Variants in PADI1 observed in about 807,000 individuals in gnomAD.
The protein encoded by PADI1 is protein-arginine deiminase type-1.
PADI1 carries 65 observed loss-of-function variants against 74.8 expected under a neutral mutation model. The observed-to-expected ratio is 0.87, with a 90% CI of 0.71 to 1.07. The LOEUF is 1.07. Among genes scored for constraint, PADI1 ranks in the 50% least tolerant of loss-of-function variants. The probability of loss-of-function intolerance (pLI) is 0.00; values close to 1 mark genes in which losing one functional copy is unlikely to be tolerated. For synonymous variants in PADI1, 371 were observed against 336.2 expected (o/e 1.10, Z -1.13); for missense variants, 943 against 854.0 (o/e 1.10, Z -1.30).
chr1:17,217,045 G>C (rs1157703612), intron 1 of PADI1, among the ~76,000 whole-genome samples: 3 of 144,842 alleles, frequency 2.1e-5, no homozygotes, highest in African/African-American at 7.6e-5. Context: ...GAGAGGAGGA[G>C]AGGGGAGGGA....
chr1:17,211,200 T>TATTTTGTTTTTG (rs71014924), intron 1 of PADI1, among the ~76,000 whole-genome samples: 6 of 151,334 alleles, frequency 4.0e-5, no homozygotes, highest in Admixed American at 6.6e-5. Context: ...GCAGCCCTGG[T>TATTTTGTTTTTG]TTTTTGTTTT....
chr1:17,225,183 C>A (rs780997367), intron 4 of PADI1, among the ~76,000 whole-genome samples: 14 of 152,172 alleles, frequency 9.2e-5, no homozygotes, highest in Non-Finnish European at 1.5e-4. Flanking sequence ...GCCAGCTATG[C>A]GGCTTGGGAC....
chr1:17,226,156 G>T lies in PADI1; in HGVS notation c.650G>T (p.Arg217Met), dbSNP rs201733090. ...AAAAGAGTGAGGGTCTTCTGTGCCA[G>T]GGGTGAGTGGCCTGATGGGGCCTTT... ...DSKRVRVFCA[R>M]GGNSLSDYKQ... Residue 217 changes from arginine (R) to methionine (M), a missense_variant and splice_region_variant, in exon 6 of 16, where the codon AGG (arginine) becomes ATG (methionine). By Grantham distance (91) the Arg-to-Met change is moderately conservative. Coordinates refer to ENST00000375471, the MANE Select transcript of PADI1 (RefSeq NM_013358.3). The T allele has an allele frequency of 3.3e-5, 54 of 1,614,094 alleles. No homozygotes were observed. The African/African-American group carries it at 4.8e-4, about 14-fold the overall frequency.
rs377096155 is a variant in PADI1 at position 17,230,531 on chromosome 1, C to T, written c.1054-41C>T. On this transcript the variant is annotated intron_variant, in intron 9 of 15. Transcript: ENST00000375471. ...GGACCACCCTGTTCTGTAAACCACC[C>T]GAAAAAGGTCACTGTGGCTTTTTCA... 4.8e-5 allele frequency: 68 copies of T among 1,421,756 alleles called. No individual in the cohort carries two copies. The East Asian group carries it at 5.3e-4, about 11-fold the overall frequency. 88.1% of individuals were successfully genotyped at this position (1,421,756 alleles called of 1,614,324 possible). A position where few individuals can be genotyped will look rare whatever the true frequency, so the allele number is the denominator to read the frequency against.
At chr1:17,213,775 G>C (rs1009774235) in intron 1 of PADI1, among the ~76,000 whole-genome samples, 1 of 152,182 alleles carries the variant, frequency 6.6e-6, no homozygotes, top group African/African-American at 2.4e-5. Context: ...ATAACCAGTG[G>C]GTGAACCTGC....
At chr1:17,207,271 A>G (rs2071709665) in intron 1 of PADI1, among the ~76,000 whole-genome samples, 1 of 152,152 alleles carries the variant, frequency 6.6e-6, no homozygotes, top group East Asian at 1.9e-4. Flanking sequence ...TCATTTCCTC[A>G]TCTGAGCCCC....
intron 1 of PADI1, among the ~76,000 whole-genome samples, chr1:17,211,137 G>T (rs2100400790): frequency 6.6e-6 from 1 of 152,304 alleles, no homozygotes; most frequent in Admixed American, 6.5e-5. Context: ...GTCCGGGTCT[G>T]CCCACTCCTC....
At chr1:17,207,745 G>C (rs1297847897) in intron 1 of PADI1, among the ~76,000 whole-genome samples, 1 of 152,220 alleles carries the variant, frequency 6.6e-6, no homozygotes, top group Non-Finnish European at 1.5e-5. Flanking sequence ...GTTGGCTCTG[G>C]GAGGCAGAGG....
chr1:17,229,615 G>A (rs1482527519), intron 8 of PADI1, among the ~76,000 whole-genome samples: 1 of 152,206 alleles, frequency 6.6e-6, no homozygotes, highest in African/African-American at 2.4e-5. Context: ...TAAGTTAAAA[G>A]GCTGGGAAGG....
chr1:17,230,619 C>A lies in PADI1; in HGVS notation c.1101C>A (p.Pro367=). ...GYIEAPHKSF[P]VVFDSPRNRG... is the part of the protein sequence containing the mutation. The stretch of plus-strand genomic sequence containing the variant: ...TCGAGGCCCCTCACAAATCCTTCCC[C>A]GTGGTCTTTGACTCCCCCAGGAACA... The change falls in exon 10 of 16, where the codon CCC becomes CCA. Residue 367 remains proline (P), a synonymous_variant. Coordinates refer to ENST00000375471, the MANE Select transcript of PADI1 (RefSeq NM_013358.3). The A allele has an allele frequency of 6.2e-7, 1 of 1,613,272 alleles. No homozygotes were observed. The highest frequency in any genetic ancestry group is 8.5e-7 in the Non-Finnish European group (1 of 1,179,510).
chr1:17,205,336 C>T, intron 1 of PADI1, 27 bp downstream of exon 1: 3 of 1,562,094 alleles, frequency 1.9e-6, no homozygotes, highest in Non-Finnish European at 2.6e-6. Flanking sequence ...GCTCTCCTGG[C>T]TGCAGAGAGC....
At chr1:17,225,777 C>A in intron 4 of PADI1, 34 bp from the exon 5 acceptor site, 2 of 1,532,490 alleles carry the variant, frequency 1.3e-6, no homozygotes, top group South Asian at 1.1e-5. Context: ...CCTCCTGGGT[C>A]CCACTGATCC....
chr1:17,235,465 G>A (rs2072619317), intron 11 of PADI1, among the ~76,000 whole-genome samples: 1 of 152,196 alleles, frequency 6.6e-6, no homozygotes, highest in Non-Finnish European at 1.5e-5. Context: ...ACCTCAGGCA[G>A]GAGGGGGCTC....
At chr1:17,240,398 C>G (rs1011823026) in intron 14 of PADI1, 1 of 420,512 alleles carries the variant, frequency 2.4e-6, no homozygotes, top group East Asian at 4.3e-5. Flanking sequence ...CATTTGCATC[C>G]AGAAACTGCC....
intron 1 of PADI1, among the ~76,000 whole-genome samples, chr1:17,206,961 G>A (rs910005026): frequency 2.6e-5 from 4 of 152,116 alleles, no homozygotes; most frequent in African/African-American, 9.7e-5. Flanking sequence ...GATTATAGGC[G>A]TGAGCCACCG....
At chr1:17,205,589 C>A (rs1278869561) in intron 1 of PADI1, among the ~76,000 whole-genome samples, 1 of 152,224 alleles carries the variant, frequency 6.6e-6, no homozygotes, top group South Asian at 2.1e-4. Context: ...TGGGGTCAGG[C>A]TTTGGGGTCT....
At chr1:17,206,244 C>T (rs1441127997) in intron 1 of PADI1, among the ~76,000 whole-genome samples, 2 of 152,176 alleles carry the variant, frequency 1.3e-5, no homozygotes, top group African/African-American at 4.8e-5. Flanking sequence ...GCTCCTTTCT[C>T]CCTCTTGGGA....
In PADI1 at chr1:17,222,442, C is replaced by T. The variant is rs1392985156; in HGVS notation, c.245C>T (p.Thr82Ile). The T allele has an allele frequency of 6.2e-7, 1 of 1,613,908 alleles. No individual in the cohort carries two copies. The highest frequency in any genetic ancestry group is 1.3e-5 in the African/African-American group (1 of 74,904). Reference sequence around the variant, plus strand: ...GCAGACATGGTCGTATCTGTGGGCACAGCCAGTAAGGAATTAAAGGACTTC... The same window carrying T: ...GCAGACATGGTCGTATCTGTGGGCATAGCCAGTAAGGAATTAAAGGACTTC... ...TDADMVVSVG[T>I]ASKELKDFKV... is the part of the protein sequence containing the mutation. Residue 82 changes from threonine (T) to isoleucine (I), a missense_variant, in exon 2 of 16, where the codon ACA becomes ATA. Physicochemically the swap from Thr to Ile is moderately conservative, Grantham distance 89. Transcript: ENST00000375471.
At chr1:17,226,480 T>C (rs1230399277) in intron 6 of PADI1, among the ~76,000 whole-genome samples, 1 of 152,162 alleles carries the variant, frequency 6.6e-6, no homozygotes, top group Non-Finnish European at 1.5e-5. Context: ...TTCCCTCCTC[T>C]GGTCAATCAG....
Sources: gnomAD v4.1 joint callset for allele counts (sites outside exome capture counted in the v4.1 genomes callset) on GRCh38, gnomAD v4.1.1 for gene constraint, MANE v1.5 for transcripts, NCBI Gene and HGNC (gene_info 2026-07-23, HGNC 2026-07-21) for gene names.